RD3: variants seen among roughly 807,000 people sequenced by gnomAD.
The protein encoded by RD3 is protein RD3.
A neutral mutation model predicts 16.9 loss-of-function variants in RD3; 11 were observed. That is an observed-to-expected ratio of 0.65 (90% confidence interval 0.41 to 1.08). RD3 has a LOEUF of 1.08. Ranked by LOEUF, RD3 falls within the 50% of genes least tolerant of loss-of-function variation. The pLI is 0.00. For missense variants in RD3, 274 were observed against 267.4 expected (o/e 1.02, Z -0.17); for synonymous variants, 116 against 114.8 (o/e 1.01, Z -0.07).
In RD3 at chr1:211,478,283, C is replaced by T. The variant is rs1705185500; in HGVS notation, c.*753G>A. 2.5e-6 allele frequency: 1 copy of T among 397,772 alleles called. No homozygotes were observed. Among genetic ancestry groups the T allele is most frequent in the African/African-American group, 2.1e-5 (1 of 48,634 alleles). 24.6% of individuals were successfully genotyped at this position (397,772 alleles called of 1,614,324 possible). A position where few individuals can be genotyped will look rare whatever the true frequency, so the allele number is the denominator to read the frequency against. ...CTTGGAGAGCAGCTTAGATTCTCATCCCACTGCCAAGGTAAGAGATGGATC... is the reference window on the plus strand; with the variant it reads ...CTTGGAGAGCAGCTTAGATTCTCATTCCACTGCCAAGGTAAGAGATGGATC... On this transcript the variant is annotated 3_prime_UTR_variant, in exon 3 of 3. Transcript: ENST00000680073.
intron 1 of RD3, among the ~76,000 whole-genome samples, chr1:211,489,077 C>T (rs1372138648): frequency 1.3e-5 from 2 of 152,220 alleles, no homozygotes; most frequent in African/African-American, 4.8e-5. Flanking sequence ...GGCCCCAAGC[C>T]TCAGTTTCCC....
intron 1 of RD3, 111 bp from the exon 2 acceptor site, chr1:211,481,537 C>T: frequency 5.3e-6 from 5 of 945,170 alleles, no homozygotes; most frequent in Non-Finnish European, 8.1e-6. Context: ...GAGAGAAGAC[C>T]TGCTCTGCCC....
chr1:211,491,546 AC>A (rs764032215), intron 1 of RD3, among the ~76,000 whole-genome samples: 12 of 152,072 alleles, frequency 7.9e-5, no homozygotes, highest in Non-Finnish European at 1.5e-4. Context: ...AAGCTGCAGG[AC>A]CCTCATCGGT....
Position 211,477,862 on chromosome 1 carries a change from T to A in RD3, c.*1174A>T. On this transcript the variant is annotated 3_prime_UTR_variant, in exon 3 of 3. Coordinates refer to ENST00000680073, the MANE Select transcript of RD3 (RefSeq NM_001164688.2). Reference sequence around the variant, plus strand: ...CCCACCCATCCCCCTTACACCCCACTTCAACCCCAGAGTGTGTGGGAAGGC... The same window carrying A: ...CCCACCCATCCCCCTTACACCCCACATCAACCCCAGAGTGTGTGGGAAGGC... The A allele has an allele frequency of 8.2e-6, 3 of 363,972 alleles. No individual in the cohort carries two copies. The highest frequency in any genetic ancestry group is 1.5e-5 in the Non-Finnish European group (3 of 205,038). 22.5% of individuals were successfully genotyped at this position (363,972 alleles called of 1,614,324 possible).
intron 1 of RD3, among the ~76,000 whole-genome samples, chr1:211,482,377 T>C (rs1378466398): frequency 3.3e-5 from 5 of 151,896 alleles, no homozygotes; most frequent in African/African-American, 9.7e-5. Flanking sequence ...AGAGGCAAGA[T>C]TTGTTGAGTA....
chr1:211,484,256 TTAA>T (rs1572143592), intron 1 of RD3, among the ~76,000 whole-genome samples: 1 of 152,178 alleles, frequency 6.6e-6, no homozygotes, highest in East Asian at 1.9e-4. Context: ...CAGTAGGCAC[TTAA>T]TAAATAGCAA....
intron 1 of RD3, among the ~76,000 whole-genome samples, chr1:211,487,720 C>T (rs1705401919): frequency 6.6e-6 from 1 of 152,208 alleles, no homozygotes; most frequent in Admixed American, 6.5e-5. Flanking sequence ...TCTTTCTTCA[C>T]CCACGAGCCT....
At position 211,485,071 on chromosome 1, in the gene RD3, A is replaced by G. The variant is rs185057884; in HGVS notation, c.-11-3645T>C. Among the ~76,000 whole-genome samples the G allele has an allele frequency of 4.6e-5, 7 of 152,338 alleles. No individual in the cohort carries two copies. The East Asian group carries it at 1.4e-3, about 29-fold the overall frequency. ...CTTCACCTCAAGGCAGAGTAAGGCC[A>G]GAAGCAAGCCCGAGTACAGTCTGGG... On this transcript the variant is annotated intron_variant, in intron 1 of 2. Coordinates refer to ENST00000680073, the MANE Select transcript of RD3 (RefSeq NM_001164688.2).
chr1:211,485,862 A>G (rs1705362890), intron 1 of RD3, among the ~76,000 whole-genome samples: 1 of 151,734 alleles, frequency 6.6e-6, no homozygotes, highest in Non-Finnish European at 1.5e-5. Context: ...CCTTGTTTTA[A>G]AAAATTAGGA....
At chr1:211,486,150 CAAA>C (rs111329963) in intron 1 of RD3, among the ~76,000 whole-genome samples, 4 of 109,090 alleles carry the variant, frequency 3.7e-5, no homozygotes, top group Non-Finnish European at 3.8e-5. Context: ...GACCCCATCT[CAAA>C]AAAAAAAAAA....
intron 1 of RD3, among the ~76,000 whole-genome samples, chr1:211,489,180 T>C (rs1297817359): frequency 2.6e-5 from 4 of 152,250 alleles, no homozygotes; most frequent in Non-Finnish European, 5.9e-5. Flanking sequence ...TTTTATAAAC[T>C]AACAATAAGC....
rs948803289 is a variant in RD3 at position 211,476,910 on chromosome 1, A to T, written c.*2126T>A. 2 of 152,090 alleles carry T rather than the reference A, an allele frequency of 1.3e-5. No individual in the cohort carries two copies. Among genetic ancestry groups the T allele is most frequent in the Non-Finnish European group, 2.9e-5 (2 of 68,038 alleles). The allele number at this position is 152,090 out of a possible 1,614,324, so 9.4% of individuals were successfully genotyped here. On this transcript the variant is annotated 3_prime_UTR_variant, in exon 3 of 3. Coordinates refer to ENST00000680073, the MANE Select transcript of RD3 (RefSeq NM_001164688.2). ...CTCCAGGTTAACTACTTCCTCTAAA[A>T]CATTTGCTGACCCACATCCAGGGCA...
At chr1:211,487,613 G>A (rs1050417708) in intron 1 of RD3, among the ~76,000 whole-genome samples, 9 of 152,224 alleles carry the variant, frequency 5.9e-5, no homozygotes, top group Admixed American at 2.0e-4. Context: ...AAACTCACTT[G>A]TGCAGGAAGC....
chr1:211,486,765 C>G (rs1399421444), intron 1 of RD3, among the ~76,000 whole-genome samples: 2 of 151,940 alleles, frequency 1.3e-5, no homozygotes, highest in Non-Finnish European at 2.9e-5. Context: ...ATGGCTTGAA[C>G]CCGGGAGGCA....
chr1:211,481,590 G>A (rs965303589), intron 1 of RD3, among the ~76,000 whole-genome samples, 164 bp from the exon 2 acceptor site: 7 of 152,224 alleles, frequency 4.6e-5, no homozygotes, highest in Non-Finnish European at 1.0e-4. Flanking sequence ...ATTTCCCTGA[G>A]CAATCATTTC....
chr1:211,477,878 GTGGGAAGGCCTCCTGGCCT>G lies in RD3; in HGVS notation c.*1139_*1157del, dbSNP rs1267078507. ...ACACCCCACTTCAACCCCAGAGTGT[GTGGGAAGGCCTCCTGGCCT>G]TCCAGATTTTCCATGGGTGATCCAC... On this transcript the variant is annotated 3_prime_UTR_variant, in exon 3 of 3. Transcript: ENST00000680073. 2 of 383,824 alleles carry G rather than the reference GTGGGAAGGCCTCCTGGCCT, an allele frequency of 5.2e-6. No individual in the cohort carries two copies. The highest frequency in any genetic ancestry group is 9.2e-6 in the Non-Finnish European group (2 of 217,512). The allele number at this position is 383,824 out of a possible 1,614,324, so 23.8% of individuals were successfully genotyped here. A position where few individuals can be genotyped will look rare whatever the true frequency, so the allele number is the denominator to read the frequency against.
chr1:211,480,355 T>C (rs1705236243), intron 2 of RD3, among the ~76,000 whole-genome samples: 1 of 152,134 alleles, frequency 6.6e-6, no homozygotes, highest in South Asian at 2.1e-4. Context: ...AAAAGGTGTA[T>C]AATAAATGCA....
intron 1 of RD3, among the ~76,000 whole-genome samples, chr1:211,482,604 C>T (rs1397182255): frequency 6.6e-6 from 1 of 151,814 alleles, no homozygotes; most frequent in Non-Finnish European, 1.5e-5. Flanking sequence ...GGTCTGACAG[C>T]AGCGAGCCTA....
rs1459090399 is a variant in RD3 at position 211,477,821 on chromosome 1, T to G, written c.*1215A>C. 2.3e-5 allele frequency: 8 copies of G among 353,376 alleles called. No homozygotes were observed. Among genetic ancestry groups the G allele is most frequent in the Non-Finnish European group, 3.5e-5 (7 of 198,464 alleles). The allele number at this position is 353,376 out of a possible 1,614,324, so 21.9% of individuals were successfully genotyped here. ...CATTTTCTGCATGTGTGCTGGTAGT[T>G]GAGGGTAGACACTTCCCCACCCATC... On this transcript the variant is annotated 3_prime_UTR_variant, in exon 3 of 3. Transcript: ENST00000680073.
Sources: allele counts gnomAD v4.1 joint callset (sites outside exome capture counted in the v4.1 genomes callset), GRCh38; gene constraint gnomAD v4.1.1; transcripts MANE v1.5; gene names NCBI Gene and HGNC (gene_info 2026-07-23, HGNC 2026-07-21).